EPHA6: variants seen among roughly 807,000 people sequenced by gnomAD.
EPHA6 encodes the protein ephrin type-A receptor 6.
Under a neutral mutation model 112.0 loss-of-function variants are expected in EPHA6, and 50 were observed. The ratio of observed to expected loss-of-function variants is 0.45; its 90% confidence interval spans 0.36 to 0.56. The LOEUF (loss-of-function observed/expected upper bound fraction) is 0.56, where lower values mean the gene tolerates loss of function less well. Among genes scored for constraint, EPHA6 ranks in the 20% least tolerant of loss-of-function variants. The pLI is 0.00. For synonymous variants in EPHA6, 529 were observed against 490.7 expected (o/e 1.08, Z -1.03); for missense variants, 1,280 against 1,417.4 (o/e 0.90, Z 1.56).
At chr3:97,003,066 A>G (rs1056449843) in intron 3 of EPHA6, among the ~76,000 whole-genome samples, 1 of 151,996 alleles carries the variant, frequency 6.6e-6, no homozygotes, top group Non-Finnish European at 1.5e-5. Flanking sequence ...TGGGGAGGAG[A>G]AACAATGATC....
chr3:97,752,014 A>T lies in EPHA6; in HGVS notation c.*3313A>T, dbSNP rs1161387844. 6.6e-6 allele frequency among the ~76,000 whole-genome samples: 1 copy of T among 152,196 alleles called. No homozygotes were observed. The highest frequency in any genetic ancestry group is 1.9e-4 in the East Asian group (1 of 5,196). On this transcript the variant is annotated 3_prime_UTR_variant, in exon 18 of 18. Transcript: ENST00000389672. ...AGTATTTAAATCATTTTAAAAAGCA[A>T]TCAAATTGCAAAATTTTGGTGGTTT... is the stretch of plus-strand genomic sequence containing the variant.
At chr3:97,253,893 C>G (rs1411588278) in intron 5 of EPHA6, among the ~76,000 whole-genome samples, 1 of 151,806 alleles carries the variant, frequency 6.6e-6, no homozygotes, top group African/African-American at 2.4e-5. Context: ...AGTAGCTATG[C>G]CCTGTATCAT....
chr3:97,431,084 A>G (rs757783792), intron 6 of EPHA6, among the ~76,000 whole-genome samples: 2 of 152,050 alleles, frequency 1.3e-5, no homozygotes, highest in Non-Finnish European at 2.9e-5. Context: ...AATATTTGAA[A>G]AGTTGGTTTT....
chr3:97,530,299 A>G (rs962357613), intron 10 of EPHA6, among the ~76,000 whole-genome samples: 2 of 152,008 alleles, frequency 1.3e-5, no homozygotes, highest in Non-Finnish European at 2.9e-5. Flanking sequence ...TGCATAAGAG[A>G]AAATCTTTTA....
chr3:97,381,867 A>G (rs1030450150), intron 5 of EPHA6, among the ~76,000 whole-genome samples: 4 of 152,086 alleles, frequency 2.6e-5, no homozygotes, highest in African/African-American at 9.7e-5. Context: ...CAGAGTCCAA[A>G]AGACTGCTTA....
Position 97,307,382 on chromosome 3 carries a change from G to A in EPHA6, c.1606+63095G>A, listed in dbSNP as rs139870661. On this transcript the variant is annotated intron_variant, in intron 5 of 17. Transcript: ENST00000389672. ...CACTGTGCACAAATGTAACCTGAAC[G>A]TGCCTCAGAGAGTCATAGTATTAAC... Among the ~76,000 whole-genome samples the A allele has an allele frequency of 3.2e-3, 486 of 151,802 alleles. 4 individuals carry two copies. Among genetic ancestry groups the A allele is most frequent in the African/African-American group, 0.011 (456 of 41,470 alleles).
intron 3 of EPHA6, among the ~76,000 whole-genome samples, chr3:97,172,278 A>G (rs888296215): frequency 2.0e-5 from 3 of 152,038 alleles, no homozygotes; most frequent in African/African-American, 7.2e-5. Context: ...ATATGTAACT[A>G]TTTTATATCT....
In EPHA6 at chr3:97,498,475, A is replaced by G. The variant is rs140433397; in HGVS notation, c.2200+14416A>G. Among the ~76,000 whole-genome samples the G allele has an allele frequency of 5.4e-3, 828 of 152,232 alleles. 11 individuals are homozygous for G. Among genetic ancestry groups the G allele is most frequent in the Non-Finnish European group, 8.6e-3 (585 of 68,014 alleles). On this transcript the variant is annotated intron_variant, in intron 10 of 17. Coordinates refer to ENST00000389672, the MANE Select transcript of EPHA6 (RefSeq NM_001080448.3). ...TGAAATAATGGGCCATTACCTGACT[A>G]AGGAGAAAAAAATAAAGGGGTAGGG...
chr3:96,983,287 T>G (rs903642649), intron 2 of EPHA6, among the ~76,000 whole-genome samples: 3 of 152,168 alleles, frequency 2.0e-5, no homozygotes, highest in Non-Finnish European at 2.9e-5. Flanking sequence ...GTCTGTAAAG[T>G]ATTTTATTTC....
intron 3 of EPHA6, among the ~76,000 whole-genome samples, chr3:97,080,901 T>C (rs1220162585): frequency 6.6e-6 from 1 of 152,026 alleles, no homozygotes; most frequent in Non-Finnish European, 1.5e-5. Flanking sequence ...CATATGCTTA[T>C]ATACTTTAAT....
intron 12 of EPHA6, among the ~76,000 whole-genome samples, chr3:97,597,677 A>G (rs1289602989): frequency 3.3e-5 from 5 of 152,266 alleles, no homozygotes; most frequent in Admixed American, 3.3e-4. Flanking sequence ...AACAATGTTT[A>G]TCAATATTTT....
chr3:97,282,784 A>C (rs1417868964), intron 5 of EPHA6, among the ~76,000 whole-genome samples: 1 of 152,192 alleles, frequency 6.6e-6, no homozygotes, highest in Non-Finnish European at 1.5e-5. Flanking sequence ...GGAGCTGAAC[A>C]ATGACAACAC....
chr3:97,674,908 G>A (rs960105992), intron 14 of EPHA6, among the ~76,000 whole-genome samples: 3 of 152,100 alleles, frequency 2.0e-5, no homozygotes, highest in East Asian at 3.9e-4. Flanking sequence ...TGTGGAGTGG[G>A]CATCTGAATT....
intron 2 of EPHA6, among the ~76,000 whole-genome samples, chr3:96,867,315 A>G (rs1334348317): frequency 6.6e-6 from 1 of 151,826 alleles, no homozygotes; most frequent in Non-Finnish European, 1.5e-5. Context: ...ATACAAGTCT[A>G]CTAAAATATT....
intron 12 of EPHA6, among the ~76,000 whole-genome samples, chr3:97,601,956 A>T (rs2093646718): frequency 6.6e-6 from 1 of 152,084 alleles, no homozygotes; most frequent in South Asian, 2.1e-4. Flanking sequence ...ACATTTTTCA[A>T]GCCAGAAGTA....
chr3:97,712,164 C>T (rs537213393), intron 14 of EPHA6, among the ~76,000 whole-genome samples: 3 of 152,210 alleles, frequency 2.0e-5, no homozygotes, highest in South Asian at 4.1e-4. Context: ...AAATCCATTA[C>T]TTTTGTGTTA....
chr3:97,436,797 T>C (rs1281162566), intron 6 of EPHA6, among the ~76,000 whole-genome samples: 1 of 152,196 alleles, frequency 6.6e-6, no homozygotes, highest in African/African-American at 2.4e-5. Flanking sequence ...GCATTTGCTC[T>C]CTGGTAATTT....
chr3:97,620,017 T>C (rs1490575431), intron 13 of EPHA6, among the ~76,000 whole-genome samples: 1 of 152,016 alleles, frequency 6.6e-6, no homozygotes, highest in Non-Finnish European at 1.5e-5. Flanking sequence ...CTTCAAACTA[T>C]ACCATAGGAC....
At chr3:96,907,663 C>T (rs537781624) in intron 2 of EPHA6, among the ~76,000 whole-genome samples, 24 of 151,696 alleles carry the variant, frequency 1.6e-4, no homozygotes, top group African/African-American at 2.9e-4. Context: ...TTTAAGTCAA[C>T]GTTTAGTACT....
Sources: allele counts gnomAD v4.1 joint callset (sites outside exome capture counted in the v4.1 genomes callset), GRCh38; gene constraint gnomAD v4.1.1; transcripts MANE v1.5; gene names NCBI Gene and HGNC (gene_info 2026-07-23, HGNC 2026-07-21).